The following AVEN variants were observed in gnomAD, a reference collection of about 807,000 sequenced individuals.
AVEN encodes cell death regulator Aven.
AVEN carries 41 observed loss-of-function variants against 38.1 expected under a neutral mutation model. The ratio of observed to expected loss-of-function variants is 1.08; its 90% CI spans 0.84 to 1.40. The LOEUF is 1.40. AVEN is among the 40% of genes most tolerant of loss of function. The probability of loss-of-function intolerance (pLI) is 0.00; values close to 1 mark genes in which losing one functional copy is unlikely to be tolerated. For synonymous variants in AVEN, 206 were observed against 171.8 expected (o/e 1.20, Z -1.56); for missense variants, 605 against 438.8 (o/e 1.38, Z -3.38).
At chr15:33,884,284 C>G (rs963406144) in intron 2 of AVEN, among the ~76,000 whole-genome samples, 1 of 152,106 alleles carries the variant, frequency 6.6e-6, no homozygotes, top group African/African-American at 2.4e-5. Flanking sequence ...AGTTGACATA[C>G]TAATATTTGA....
At chr15:34,067,812 T>A (rs1014851986) in intron 2 of AVEN, among the ~76,000 whole-genome samples, 2 of 151,842 alleles carry the variant, frequency 1.3e-5, no homozygotes, top group Non-Finnish European at 2.9e-5. Context: ...ATTTAAAGAG[T>A]CGGTGCCCCA....
chr15:33,888,967 C>T (rs1443753803), intron 2 of AVEN, among the ~76,000 whole-genome samples: 1 of 152,032 alleles, frequency 6.6e-6, no homozygotes, highest in Non-Finnish European at 1.5e-5. Flanking sequence ...CCACCTGCCT[C>T]GGCCTCCCAA....
At chr15:34,047,651 G>A (rs1206778490) in intron 5 of AVEN, among the ~76,000 whole-genome samples, 2 of 152,194 alleles carry the variant, frequency 1.3e-5, no homozygotes, top group Non-Finnish European at 2.9e-5. Flanking sequence ...ATTCTAGCTT[G>A]CGGCTTTGGA....
At chr15:33,987,896 T>C (rs1175721218) in intron 2 of AVEN, among the ~76,000 whole-genome samples, 1 of 152,226 alleles carries the variant, frequency 6.6e-6, no homozygotes, top group African/African-American at 2.4e-5. Flanking sequence ...CAGGTCCTGC[T>C]GGGTCTGCAT....
At chr15:33,932,572 A>G (rs1893888598) in intron 2 of AVEN, among the ~76,000 whole-genome samples, 1 of 152,224 alleles carries the variant, frequency 6.6e-6, no homozygotes, top group African/African-American at 2.4e-5. Context: ...CACGCCTGTA[A>G]TCCCAGCACT....
At chr15:34,025,124 C>G (rs1212695467) in intron 1 of AVEN, among the ~76,000 whole-genome samples, 1 of 151,998 alleles carries the variant, frequency 6.6e-6, no homozygotes, top group South Asian at 2.1e-4. Context: ...AAGCAGAGAT[C>G]GCACCACTGC....
At chr15:33,953,495 A>G (rs1314472474) in intron 2 of AVEN, among the ~76,000 whole-genome samples, 3 of 152,134 alleles carry the variant, frequency 2.0e-5, no homozygotes, top group Non-Finnish European at 4.4e-5. Flanking sequence ...CACATCCACA[A>G]CCATCTGATC....
chr15:33,977,010 C>A (rs1274336202), intron 2 of AVEN, among the ~76,000 whole-genome samples: 1 of 152,092 alleles, frequency 6.6e-6, no homozygotes, highest in Non-Finnish European at 1.5e-5. Flanking sequence ...AAAGAGATAG[C>A]TAAACTCATG....
intron 2 of AVEN, among the ~76,000 whole-genome samples, chr15:33,938,101 T>A (rs941820683): frequency 6.6e-6 from 1 of 151,994 alleles, no homozygotes; most frequent in African/African-American, 2.4e-5. Context: ...GAAAGAAAGA[T>A]TTCTTGGAGC....
intron 2 of AVEN, among the ~76,000 whole-genome samples, chr15:33,943,994 A>G (rs1894415715): frequency 6.6e-6 from 1 of 152,052 alleles, no homozygotes; most frequent in Admixed American, 6.6e-5. Context: ...TCAGCCTCAT[A>G]AAGGGCCAGG....
At position 33,952,242 on chromosome 15, in the gene AVEN, GA is replaced by G. The variant is rs932009093; in HGVS notation, c.445+50789del. ...AGCCTGTCTTCCACATCAAAAAGGG[GA>G]AAAAAAATCACTCCAGGTTCAAAGG... On this transcript the variant is annotated intron_variant, in intron 2 of 5. Transcript: ENST00000306730. Among the ~76,000 whole-genome samples the G allele has an allele frequency of 2.1e-3, 315 of 151,954 alleles. 1 individual carries two copies. Among genetic ancestry groups the G allele is most frequent in the African/African-American group, 7.2e-3 (298 of 41,434 alleles).
chr15:34,034,636 C>T (rs1264391594), intron 1 of AVEN, among the ~76,000 whole-genome samples: 5 of 152,010 alleles, frequency 3.3e-5, no homozygotes, highest in Non-Finnish European at 7.4e-5. Context: ...AGAATACAAG[C>T]AAAAAAGTTC....
chr15:34,073,507 CTTTTCTTTTTTCT>C (rs1317375441), intron 1 of AVEN, among the ~76,000 whole-genome samples: 15 of 136,172 alleles, frequency 1.1e-4, no homozygotes, highest in Non-Finnish European at 1.7e-4. Flanking sequence ...TTTTTCTTTT[CTTTTCTTTTTTCT>C]TTTTTTTTTT....
At chr15:34,059,367 AT>A (rs1900262197) in intron 5 of AVEN, among the ~76,000 whole-genome samples, 1 of 152,210 alleles carries the variant, frequency 6.6e-6, no homozygotes. Context: ...ATGTATTCCT[AT>A]TTTGAAGAAT....
intron 2 of AVEN, among the ~76,000 whole-genome samples, chr15:33,888,668 G>C (rs1435791006): frequency 1.3e-5 from 2 of 151,754 alleles, no homozygotes; most frequent in Admixed American, 6.6e-5. Flanking sequence ...ATGTTTTATA[G>C]TCAATATATT....
At chr15:33,956,215 C>A (rs1414948272) in intron 2 of AVEN, among the ~76,000 whole-genome samples, 4 of 152,118 alleles carry the variant, frequency 2.6e-5, no homozygotes, top group African/African-American at 9.7e-5. Flanking sequence ...ACACGCCTGC[C>A]CCTACATTAG....
intron 1 of AVEN, among the ~76,000 whole-genome samples, chr15:34,006,522 A>G (rs1897351769): frequency 6.6e-6 from 1 of 152,216 alleles, no homozygotes; most frequent in South Asian, 2.1e-4. Flanking sequence ...ATCTGGGCAA[A>G]ATAATTACCT....
intron 2 of AVEN, chr15:33,969,065 G>A (rs527861516): frequency 2.6e-5 from 4 of 152,022 alleles, no homozygotes; most frequent in Non-Finnish European, 1.5e-5. Flanking sequence ...AACATGAAAG[G>A]AAAGTAGAGA....
At chr15:33,867,463 A>G (rs1430916173) in intron 5 of AVEN, 32 bp downstream of exon 5, 1 of 1,537,938 alleles carries the variant, frequency 6.5e-7, no homozygotes, top group Admixed American at 2.1e-5. Flanking sequence ...CACCAGAATC[A>G]AGATTCACGG....
Sources: allele counts gnomAD v4.1 joint callset (sites outside exome capture counted in the v4.1 genomes callset), GRCh38; gene constraint gnomAD v4.1.1; transcripts MANE v1.5; gene names NCBI Gene and HGNC (gene_info 2026-07-23, HGNC 2026-07-21).